SPG11: variants seen among roughly 807,000 people sequenced by gnomAD.
SPG11 encodes spatacsin.
SPG11 carries 222 observed loss-of-function variants against 274.0 expected under a neutral mutation model. The observed-to-expected ratio is 0.81, with a 90% CI of 0.73 to 0.91. The LOEUF is 0.91. Among genes scored for constraint, SPG11 ranks in the 40% least tolerant of loss-of-function variants. The pLI is 0.00. For missense variants in SPG11, 3,114 were observed against 2,872.7 expected (o/e 1.08, Z -1.92); for synonymous variants, 1,144 against 1,039.7 (o/e 1.10, Z -1.93).
chr15:44,597,106 G>GATT, intron 23 of SPG11, 163 bp from the exon 24 acceptor site: 2 of 408,838 alleles, frequency 4.9e-6, no homozygotes, highest in Non-Finnish European at 8.8e-6. Flanking sequence ...GAAAAAAGTA[G>GATT]ATTCTTTTTT....
intron 8 of SPG11, 61 bp downstream of exon 8, chr15:44,633,444 T>C (rs1273367483): frequency 2.1e-6 from 3 of 1,403,268 alleles, no homozygotes; most frequent in Middle Eastern, 2.4e-4. Flanking sequence ...ACATCATACT[T>C]TGAAAGTTAT....
In SPG11 at chr15:44,621,907, G is replaced by GA. The variant is rs764805516; in HGVS notation, c.2471dup (p.Lys825GlnfsTer13). 8.7e-6 allele frequency: 14 copies of GA among 1,611,908 alleles called. No homozygotes were observed. Among genetic ancestry groups the GA allele is most frequent in the Non-Finnish European group, 1.2e-5 (14 of 1,179,394 alleles). On this transcript the variant is annotated frameshift_variant, in exon 14 of 40. Coordinates refer to ENST00000261866, the MANE Select transcript of SPG11 (RefSeq NM_025137.4). LOFTEE classifies it high-confidence loss of function. ...ATGAGTCCAAAACAGACTTGTGCTT[G>GA]AAAAAATCTTGTTCCTTTATCCAGT...
rs1414442001 is a variant in SPG11 at position 44,566,262 on chromosome 15, C to A, written c.6798G>T (p.Leu2266=). The A allele has an allele frequency of 6.2e-7, 1 of 1,614,198 alleles. No homozygotes were observed. Among genetic ancestry groups the A allele is most frequent in the South Asian group, 1.1e-5 (1 of 91,084 alleles). ...CATCCAACATCAGAGTCAGGGCCTT[C>A]AGCAGCAGTTGTTTCAGCTGGTGCC... ...KDGHQLKQLL[L]KALTLMLDAA... The change falls in exon 37 of 40, where the codon CTG becomes CTT. Residue 2266 remains leucine, a synonymous_variant. Coordinates refer to ENST00000261866, the MANE Select transcript of SPG11 (RefSeq NM_025137.4).
At chr15:44,663,027 A>C (rs2085162328) in intron 1 of SPG11, among the ~76,000 whole-genome samples, 3 of 152,252 alleles carry the variant, frequency 2.0e-5, no homozygotes, top group Non-Finnish European at 4.4e-5. Flanking sequence ...CTTTAACTGA[A>C]AGAAATGGGC....
At chr15:44,584,723 G>A (rs536311890) in intron 29 of SPG11, among the ~76,000 whole-genome samples, 165 bp from the exon 30 acceptor site, 1 of 152,272 alleles carries the variant, frequency 6.6e-6, no homozygotes, top group Non-Finnish European at 1.5e-5. Context: ...TCAACCTGCT[G>A]GACCCAAGAG....
At chr15:44,627,597 T>G (rs1200092103) in intron 10 of SPG11, among the ~76,000 whole-genome samples, 3 of 151,976 alleles carry the variant, frequency 2.0e-5, no homozygotes, top group Non-Finnish European at 2.9e-5. Context: ...TAAGTAATTT[T>G]TTTTTTTTTT....
At chr15:44,582,796 A>C (rs1489532207) in intron 30 of SPG11, among the ~76,000 whole-genome samples, 1 of 152,212 alleles carries the variant, frequency 6.6e-6, no homozygotes, top group Non-Finnish European at 1.5e-5. Flanking sequence ...TAACAGATAC[A>C]GCAATAACAT....
rs749029300 is a variant in SPG11 at position 44,596,976 on chromosome 15, G to GA, written c.4002-34dup. ...CAGAATTAGAGGTGGGGGTGGTCAA[G>GA]AAAAAACAAAAAACTCATTAAAATA... On this transcript the variant is annotated intron_variant, in intron 23 of 39. Transcript: ENST00000261866. The GA allele has an allele frequency of 2.5e-6, 4 of 1,607,944 alleles. No individual in the cohort carries two copies. In the African/African-American group the frequency reaches 4.0e-5, roughly 16 times the overall value.
In SPG11 at chr15:44,569,116, G is replaced by C. The variant is rs140745400; in HGVS notation, c.6585+282C>G. Reference sequence around the variant, plus strand: ...ACCTGGGGGGCGGATGTTGCGCCGAGATCACGCCATTTGCACTCCAGCCTG... The same window carrying C: ...ACCTGGGGGGCGGATGTTGCGCCGACATCACGCCATTTGCACTCCAGCCTG... On this transcript the variant is annotated intron_variant, in intron 35 of 39. Transcript: ENST00000261866. Among the ~76,000 whole-genome samples the C allele has an allele frequency of 1.3e-4, 19 of 146,678 alleles. No individual in the cohort carries two copies. The East Asian group carries it at 3.8e-3, about 29-fold the overall frequency.
Position 44,621,885 on chromosome 15 carries a change from A to G in SPG11, c.2494T>C (p.Ser832Pro), listed in dbSNP as rs2083762073. The change falls in exon 14 of 40, where the codon TCA (serine) becomes CCA (proline). Residue 832 changes from serine (S) to proline (P), a missense_variant. Ser to Pro is a moderately conservative substitution (Grantham distance 74). Coordinates refer to ENST00000261866, the MANE Select transcript of SPG11 (RefSeq NM_025137.4). Reference protein sequence around the residue: ...DFFKHKSVLDSFLKYDCKDEF... With the variant: ...DFFKHKSVLDPFLKYDCKDEF... ...TCTTTACAATCATATTTCAGGAATG[A>G]GTCCAAAACAGACTTGTGCTTGAAA... is the stretch of plus-strand genomic sequence containing the variant. The G allele has an allele frequency of 1.9e-6, 3 of 1,613,810 alleles. No individual in the cohort carries two copies. Among genetic ancestry groups the G allele is most frequent in the Admixed American group, 3.3e-5 (2 of 59,986 alleles).
rs4254299 is a variant in SPG11 at position 44,584,072 on chromosome 15, A to G, written c.5608T>C (p.Leu1870=). The change falls in exon 30 of 40, where the codon TTG becomes CTG. Residue 1870 remains leucine (L), a synonymous_variant. Transcript: ENST00000261866. Reference sequence around the variant, plus strand: ...AGTGACTCCTGCTCTTTCCAATCCAATCTATTCTCGCATGTCTCTTTGGAT... The same window carrying G: ...AGTGACTCCTGCTCTTTCCAATCCAGTCTATTCTCGCATGTCTCTTTGGAT... The part of the protein sequence containing the change: ...LPSKETCENR[L]DWKEQESLNF... The G allele has an allele frequency of 9.2e-5, 148 of 1,614,146 alleles. No homozygotes were observed. In the Admixed American group the frequency reaches 2.4e-3, roughly 26 times the overall value.
chr15:44,621,920 TC>T lies in SPG11; in HGVS notation c.2458del (p.Glu820AsnfsTer15). On this transcript the variant is annotated frameshift_variant, in exon 14 of 40. Coordinates refer to ENST00000261866, the MANE Select transcript of SPG11 (RefSeq NM_025137.4). LOFTEE classifies it high-confidence loss of function. ...IQSFPRYWIKEQDFFKHKSVL... is the reference protein window; with the variant it reads ...IQSFPRYWIKXQDFFKHKSVL... The stretch of plus-strand genomic sequence containing the variant: ...AGACTTGTGCTTGAAAAAATCTTGT[TC>T]CTTTATCCAGTACCTAAAAACAGTG... 1 of 1,613,324 alleles carries T rather than the reference TC, an allele frequency of 6.2e-7. No homozygotes were observed. Among genetic ancestry groups the T allele is most frequent in the Non-Finnish European group, 8.5e-7 (1 of 1,179,680 alleles).
intron 33 of SPG11, among the ~76,000 whole-genome samples, chr15:44,571,512 T>G (rs2082424613): frequency 6.7e-6 from 1 of 149,718 alleles, no homozygotes; most frequent in Admixed American, 6.6e-5. Flanking sequence ...TTTTTTTTTT[T>G]TTTGAGATGG....
At chr15:44,661,132 A>ACAGT (rs963084204) in intron 1 of SPG11, among the ~76,000 whole-genome samples, 1 of 152,206 alleles carries the variant, frequency 6.6e-6, no homozygotes, top group African/African-American at 2.4e-5. Flanking sequence ...ATTGCCCAAT[A>ACAGT]CAGTAGTCAA....
chr15:44,610,750 T>C, intron 18 of SPG11, 90 bp downstream of exon 18: 1 of 1,252,214 alleles, frequency 8.0e-7, no homozygotes, highest in African/African-American at 1.5e-5. Flanking sequence ...TATAGTTATA[T>C]TTTAATATCA....
chr15:44,663,441 C>A lies in SPG11; in HGVS notation c.207G>T (p.Thr69=). The part of the protein sequence containing the change: ...AAGSLQVLSL[T]PGSRGGGRCC... ...AGCGACCCCCGCCCCGGCTGCCAGG[C>A]GTCAAAGAAAGCACTTGGAGGCTGC... The change falls in exon 1 of 40, where the codon ACG becomes ACT. Residue 69 remains threonine, a synonymous_variant. Transcript: ENST00000261866. The A allele has an allele frequency of 6.2e-7, 1 of 1,603,298 alleles. No individual in the cohort carries two copies. The highest frequency in any genetic ancestry group is 2.3e-5 in the East Asian group (1 of 44,338).
chr15:44,597,099 A>T, intron 23 of SPG11, 156 bp from the exon 24 acceptor site: 1 of 739,554 alleles, frequency 1.4e-6, no homozygotes, highest in Non-Finnish European at 2.1e-6. Context: ...CTACTTTGAA[A>T]AAAGTAGATT....
intron 28 of SPG11, among the ~76,000 whole-genome samples, chr15:44,588,235 A>G (rs1028717528): frequency 2.6e-5 from 4 of 152,078 alleles, no homozygotes; most frequent in Admixed American, 1.3e-4. Flanking sequence ...TAGTAAGGCA[A>G]TATTTGTTTG....
intron 27 of SPG11, chr15:44,590,940 T>A (rs1022493068): frequency 6.6e-6 from 1 of 152,212 alleles, no homozygotes; most frequent in Admixed American, 6.5e-5. Context: ...TAGAAGACAA[T>A]ATTCCCTTCA....
Sources: allele counts gnomAD v4.1 joint callset (sites outside exome capture counted in the v4.1 genomes callset), GRCh38; gene constraint gnomAD v4.1.1; transcripts MANE v1.5; gene names NCBI Gene and HGNC (gene_info 2026-07-23, HGNC 2026-07-21).